RAPGEF2: variants seen among roughly 807,000 people sequenced by gnomAD.
The protein encoded by RAPGEF2 is Rap guanine nucleotide exchange factor 2.
RAPGEF2 carries 54 observed loss-of-function variants against 186.7 expected under a neutral mutation model. The observed-to-expected ratio is 0.29, with a 90% CI of 0.23 to 0.36. The LOEUF (loss-of-function observed/expected upper bound fraction) is 0.36, where lower values mean the gene tolerates loss of function less well. Ranked by LOEUF, RAPGEF2 falls within the 10% of genes least tolerant of loss-of-function variation. The probability of loss-of-function intolerance (pLI) is 1.00; values close to 1 mark genes in which losing one functional copy is unlikely to be tolerated. For synonymous variants in RAPGEF2, 712 were observed against 705.9 expected (o/e 1.01, Z -0.14); for missense variants, 1,532 against 2,045.0 (o/e 0.75, Z 4.84).
intron 1 of RAPGEF2, among the ~76,000 whole-genome samples, chr4:159,184,034 T>G (rs1437483108): frequency 1.3e-5 from 2 of 152,202 alleles, no homozygotes; most frequent in East Asian, 3.9e-4. Context: ...GAATGATGGT[T>G]TCCAGCTTCA....
intron 1 of RAPGEF2, among the ~76,000 whole-genome samples, chr4:159,159,174 C>G (rs75642792): frequency 1.3e-5 from 2 of 152,180 alleles, no homozygotes; most frequent in East Asian, 3.8e-4. Flanking sequence ...GTTTGCAGCG[C>G]CCGTCCACAG....
intron 29 of RAPGEF2, 75 bp from the exon 30 acceptor site, chr4:159,358,039 T>G (rs1233047218): frequency 7.1e-7 from 1 of 1,405,310 alleles, no homozygotes; most frequent in Non-Finnish European, 9.9e-7. Context: ...AGCACATCAG[T>G]GAATATATTC....
chr4:159,135,326 G>A (rs1741604554), intron 1 of RAPGEF2, among the ~76,000 whole-genome samples: 1 of 152,160 alleles, frequency 6.6e-6, no homozygotes, highest in South Asian at 2.1e-4. Flanking sequence ...GATTACAGGC[G>A]TAAGTCATTG....
At chr4:159,232,372 A>G (rs1423417065) in intron 4 of RAPGEF2, among the ~76,000 whole-genome samples, 1 of 152,198 alleles carries the variant, frequency 6.6e-6, no homozygotes, top group African/African-American at 2.4e-5. Flanking sequence ...TGTAAGTGGA[A>G]TCATATGATA....
intron 4 of RAPGEF2, among the ~76,000 whole-genome samples, chr4:159,219,546 G>A (rs528986856): frequency 4.6e-5 from 7 of 151,930 alleles, no homozygotes; most frequent in South Asian, 4.2e-4. Context: ...TAGTAGAGAC[G>A]GGGTTTCACC....
chr4:159,184,190 C>T (rs781040118), intron 1 of RAPGEF2, among the ~76,000 whole-genome samples: 22 of 152,160 alleles, frequency 1.4e-4, no homozygotes, highest in Non-Finnish European at 2.2e-4. Flanking sequence ...TGAATAGTGC[C>T]GCAATAAACA....
chr4:159,261,479 A>C (rs80337315), intron 7 of RAPGEF2, among the ~76,000 whole-genome samples: 100 of 152,350 alleles, frequency 6.6e-4, no homozygotes, highest in African/African-American at 2.1e-3. Context: ...CTGCCTCTCC[A>C]TAATTTTAGT....
intron 1 of RAPGEF2, among the ~76,000 whole-genome samples, chr4:159,165,197 G>A (rs1243390468): frequency 2.6e-5 from 4 of 152,106 alleles, no homozygotes; most frequent in Non-Finnish European, 5.9e-5. Flanking sequence ...ACTGTTATGG[G>A]CTCTCAAGGT....
chr4:159,315,740 A>G (rs752574747), intron 9 of RAPGEF2, among the ~76,000 whole-genome samples: 1 of 152,204 alleles, frequency 6.6e-6, no homozygotes, highest in Non-Finnish European at 1.5e-5. Flanking sequence ...GGAGACAAAG[A>G]GAAAGACAGC....
chr4:159,216,927 T>C (rs1751044173), intron 4 of RAPGEF2, among the ~76,000 whole-genome samples: 1 of 152,058 alleles, frequency 6.6e-6, no homozygotes, highest in South Asian at 2.1e-4. Context: ...AACTAATCAG[T>C]TTGGAGAGGC....
At chr4:159,166,986 G>A (rs1188224201) in intron 1 of RAPGEF2, among the ~76,000 whole-genome samples, 2 of 152,100 alleles carry the variant, frequency 1.3e-5, no homozygotes, top group Non-Finnish European at 2.9e-5. Context: ...TAGGGCAACC[G>A]CCTAAAAAAT....
intron 18 of RAPGEF2, among the ~76,000 whole-genome samples, chr4:159,338,907 G>T (rs1483469776): frequency 1.3e-5 from 2 of 152,158 alleles, no homozygotes; most frequent in African/African-American, 4.8e-5. Context: ...GCTGTCTGTA[G>T]TTCAATCTGT....
rs58593781 is a variant in RAPGEF2, at chr4:159,237,842, TAAAAAAAAAAA to T, written c.282-948_282-938del. Among the ~76,000 whole-genome samples the T allele has an allele frequency of 7.5e-4, 50 of 66,932 alleles. 3 individuals carry two copies. The highest frequency in any genetic ancestry group is 2.3e-3 in the African/African-American group (42 of 18,238). 43.9% of individuals were successfully genotyped at this position (66,932 alleles called of 152,430 possible). On this transcript the variant is annotated intron_variant, in intron 4 of 29. Transcript: ENST00000691494. ...AGCTAGACTTTGTCTCTACAAAAAT[TAAAAAAAAAAA>T]AAAAAAAAAAAAAAAAAAGCCAGGT...
Position 159,332,598 on chromosome 4 carries a change from T to G in RAPGEF2, c.2036T>G (p.Val679Gly). ...GAACAGGTGATAGGACTTGAAAAAGTGAACAAAAAAAGTAAAGCCAACACT... is the reference window on the plus strand; with the variant it reads ...GAACAGGTGATAGGACTTGAAAAAGGGAACAAAAAAAGTAAAGCCAACACT... Reference protein sequence around the residue: ...DVEQVIGLEKVNKKSKANTVG... With the variant: ...DVEQVIGLEKGNKKSKANTVG... The change falls in exon 17 of 30, where the codon GTG becomes GGG. Residue 679 changes from valine (V) to glycine (G), a missense_variant. By Grantham distance (109) the Val-to-Gly change is moderately radical. This residue lies in a region of RAPGEF2 where 810 missense variants were observed against 1,210.5 expected (regional missense o/e 0.67). Coordinates refer to ENST00000691494, the MANE Select transcript of RAPGEF2 (RefSeq NM_001394067.2). 3.7e-6 allele frequency: 6 copies of G among 1,614,030 alleles called. No homozygotes were observed. Among genetic ancestry groups the G allele is most frequent in the Non-Finnish European group, 5.1e-6 (6 of 1,179,982 alleles).
chr4:159,224,475 G>A (rs957741552), intron 4 of RAPGEF2, among the ~76,000 whole-genome samples: 2 of 152,158 alleles, frequency 1.3e-5, no homozygotes, highest in Admixed American at 1.3e-4. Flanking sequence ...ATGACATGGG[G>A]CAAGACTTTC....
intron 1 of RAPGEF2, among the ~76,000 whole-genome samples, chr4:159,130,485 C>G (rs1417648107): frequency 6.6e-6 from 1 of 151,674 alleles, no homozygotes; most frequent in Admixed American, 6.6e-5. Flanking sequence ...CACCTCAGCC[C>G]CCCAAGTAGC....
chr4:159,354,533 C>T (rs764205183), intron 28 of RAPGEF2, among the ~76,000 whole-genome samples: 1 of 152,152 alleles, frequency 6.6e-6, no homozygotes, highest in African/African-American at 2.4e-5. Flanking sequence ...TCTTTGTGCA[C>T]GCTGTAGAAG....
intron 1 of RAPGEF2, among the ~76,000 whole-genome samples, chr4:159,127,891 G>A (rs1034047471): frequency 2.0e-5 from 3 of 152,126 alleles, no homozygotes; most frequent in Non-Finnish European, 4.4e-5. Flanking sequence ...AAATTGCCTG[G>A]TTAGGTGATA....
chr4:159,343,501 T>A (rs2111276479), intron 22 of RAPGEF2, 97 bp downstream of exon 22: 1 of 1,477,300 alleles, frequency 6.8e-7, no homozygotes, highest in South Asian at 1.3e-5. Flanking sequence ...GTATTTATAT[T>A]TGTAGTACGG....
Sources: allele counts gnomAD v4.1 joint callset (sites outside exome capture counted in the v4.1 genomes callset), GRCh38; gene constraint gnomAD v4.1.1; regional missense constraint gnomAD v4.1.1; transcripts MANE v1.5; gene names NCBI Gene and HGNC (gene_info 2026-07-23, HGNC 2026-07-21).